EEFSEC: variants seen among roughly 807,000 people sequenced by gnomAD.
The protein encoded by EEFSEC is eukaryotic elongation factor, selenocysteine-tRNA specific.
A neutral mutation model predicts 42.1 loss-of-function variants in EEFSEC; 43 were observed. The ratio of observed to expected loss-of-function variants is 1.02; its 90% CI spans 0.80 to 1.32. The LOEUF (loss-of-function observed/expected upper bound fraction) is 1.32. Ranked by LOEUF, EEFSEC falls within the 40% of genes most tolerant of loss-of-function variation. EEFSEC has a pLI of 0.00. For missense variants in EEFSEC, 745 were observed against 803.6 expected (o/e 0.93, Z 0.88); for synonymous variants, 354 against 339.1 (o/e 1.04, Z -0.48).
intron 1 of EEFSEC, among the ~76,000 whole-genome samples, chr3:128,211,848 C>CTTTTTT (rs34885945): frequency 1.6e-3 from 81 of 51,702 alleles, no homozygotes; most frequent in African/African-American, 4.7e-3. Flanking sequence ...TTTTTCTTTT[C>CTTTTTT]TTTTTTTTTT....
At chr3:128,254,011 C>A (rs28611122) in intron 2 of EEFSEC, among the ~76,000 whole-genome samples, 7 of 152,242 alleles carry the variant, frequency 4.6e-5, no homozygotes, top group African/African-American at 1.4e-4. Flanking sequence ...CCCAACCAGG[C>A]CAGGGCAGTG....
At chr3:128,377,122 T>C (rs553916570) in intron 6 of EEFSEC, among the ~76,000 whole-genome samples, 1 of 152,330 alleles carries the variant, frequency 6.6e-6, no homozygotes, top group Non-Finnish European at 1.5e-5. Flanking sequence ...AAAAGAAGTC[T>C]CCCATAGTCC....
intron 1 of EEFSEC, among the ~76,000 whole-genome samples, chr3:128,200,322 CTT>C: frequency 6.6e-6 from 1 of 151,594 alleles, no homozygotes; most frequent in African/African-American, 2.4e-5. Context: ...GAGTTTTGCT[CTT>C]GTTGCCCAGG....
chr3:128,325,077 G>A (rs73197388), intron 4 of EEFSEC, among the ~76,000 whole-genome samples: 1 of 152,028 alleles, frequency 6.6e-6, no homozygotes, highest in East Asian at 1.9e-4. Context: ...AACATCCCTC[G>A]CTGGCCTACT....
intron 5 of EEFSEC, 104 bp downstream of exon 5, chr3:128,341,993 C>A: frequency 7.1e-7 from 1 of 1,417,716 alleles, no homozygotes; most frequent in Non-Finnish European, 9.4e-7. Flanking sequence ...CCCTCAGAGA[C>A]CTTCTGGTGC....
chr3:128,264,267 G>T (rs182155579), intron 3 of EEFSEC, among the ~76,000 whole-genome samples: 1 of 152,308 alleles, frequency 6.6e-6, no homozygotes, highest in Non-Finnish European at 1.5e-5. Context: ...CATGAGGCCA[G>T]GGAGCAATGC....
At chr3:128,375,544 C>T (rs1346549414) in intron 6 of EEFSEC, among the ~76,000 whole-genome samples, 1 of 152,208 alleles carries the variant, frequency 6.6e-6, no homozygotes, top group Non-Finnish European at 1.5e-5. Flanking sequence ...GCAGGCCACC[C>T]TCCAGCCCTA....
intron 2 of EEFSEC, among the ~76,000 whole-genome samples, chr3:128,248,447 T>C (rs1021808364): frequency 6.6e-6 from 1 of 152,236 alleles, no homozygotes; most frequent in African/African-American, 2.4e-5. Flanking sequence ...AAATATGTCA[T>C]AAAAGATTTT....
intron 6 of EEFSEC, among the ~76,000 whole-genome samples, chr3:128,405,207 G>A (rs1367797678): frequency 6.6e-6 from 1 of 151,996 alleles, no homozygotes; most frequent in Non-Finnish European, 1.5e-5. Context: ...TAATGGAGAC[G>A]GGGTTTCACC....
chr3:128,350,968 C>T (rs910151072), intron 5 of EEFSEC, among the ~76,000 whole-genome samples: 6 of 152,212 alleles, frequency 3.9e-5, no homozygotes, highest in Non-Finnish European at 8.8e-5. Flanking sequence ...TTTGTCAATC[C>T]TGGTGGCTTT....
chr3:128,245,036 G>A (rs1157488025), intron 1 of EEFSEC, among the ~76,000 whole-genome samples: 1 of 152,194 alleles, frequency 6.6e-6, no homozygotes, highest in Non-Finnish European at 1.5e-5. Flanking sequence ...TGCTTGGCTG[G>A]GTCAAAGATT....
At chr3:128,264,591 C>G (rs374217170) in intron 3 of EEFSEC, 26 bp from the exon 4 acceptor site, 118 of 1,610,942 alleles carry the variant, frequency 7.3e-5, no homozygotes, top group Non-Finnish European at 9.7e-5. Context: ...TCCCCACGGA[C>G]TGTGGCACCA....
intron 1 of EEFSEC, among the ~76,000 whole-genome samples, chr3:128,193,311 G>A (rs771200844): frequency 6.6e-6 from 1 of 152,228 alleles, no homozygotes; most frequent in Non-Finnish European, 1.5e-5. Context: ...GCCTCCAAGG[G>A]AGGCAGAGGA....
At chr3:128,331,718 G>T (rs1201141715) in intron 4 of EEFSEC, among the ~76,000 whole-genome samples, 1 of 152,076 alleles carries the variant, frequency 6.6e-6, no homozygotes, top group Admixed American at 6.5e-5. Context: ...CTTTTTCCTG[G>T]TAATTGGAAA....
At chr3:128,414,275 C>T in the EEFSEC span, among the ~76,000 whole-genome samples, 1 of 152,166 alleles carries the variant, frequency 6.6e-6, no homozygotes, top group Non-Finnish European at 1.5e-5. Flanking sequence ...GGAGCTTTCT[C>T]CTCCCACTCC....
chr3:128,170,138 G>A (rs574108378), intron 1 of EEFSEC, among the ~76,000 whole-genome samples: 17 of 151,702 alleles, frequency 1.1e-4, no homozygotes, highest in Admixed American at 5.9e-4. Flanking sequence ...CTCACCCCCC[G>A]CCCCGCCTCC....
At chr3:128,198,670 T>C (rs2065612119) in intron 1 of EEFSEC, among the ~76,000 whole-genome samples, 1 of 152,262 alleles carries the variant, frequency 6.6e-6, no homozygotes, top group Non-Finnish European at 1.5e-5. Flanking sequence ...GCTCCTTGCA[T>C]ACAAAAAGAA....
chr3:128,181,974 C>T (rs1169712205), intron 1 of EEFSEC, among the ~76,000 whole-genome samples: 10 of 152,060 alleles, frequency 6.6e-5, no homozygotes, highest in African/African-American at 9.7e-5. Context: ...CCACCATGCC[C>T]GGCTAATTTT....
At chr3:128,348,337 G>T (rs1402204985) in intron 5 of EEFSEC, among the ~76,000 whole-genome samples, 1 of 141,686 alleles carries the variant, frequency 7.1e-6, no homozygotes, top group African/African-American at 2.7e-5. Context: ...CTAGTAAATT[G>T]CTCCTCATTT....
Sources: allele counts gnomAD v4.1 joint callset (sites outside exome capture counted in the v4.1 genomes callset), GRCh38; gene constraint gnomAD v4.1.1; transcripts MANE v1.5; gene names NCBI Gene and HGNC (gene_info 2026-07-23, HGNC 2026-07-21).